AEBP2: variants seen among roughly 807,000 people sequenced by gnomAD.
The protein encoded by AEBP2 is AE binding protein 2.
AEBP2 carries 10 observed loss-of-function variants against 50.8 expected under a neutral mutation model. The ratio of observed to expected loss-of-function variants is 0.20; its 90% CI spans 0.12 to 0.33. The LOEUF (loss-of-function observed/expected upper bound fraction) is 0.33. Ranked by LOEUF, AEBP2 falls within the 10% of genes least tolerant of loss-of-function variation. The pLI, the probability that AEBP2 is intolerant of heterozygous loss-of-function variation, is 1.00. For missense variants in AEBP2, 570 were observed against 688.0 expected (o/e 0.83, Z 1.92); for synonymous variants, 296 against 261.3 (o/e 1.13, Z -1.28).
chr12:19,518,663 G>A lies in AEBP2; in HGVS notation c.*546G>A. The A allele has an allele frequency of 6.8e-7, 1 of 1,468,722 alleles. No individual in the cohort carries two copies. The highest frequency in any genetic ancestry group is 9.2e-7 in the Non-Finnish European group (1 of 1,088,766). The allele number at this position is 1,468,722 out of a possible 1,614,324, so 91.0% of individuals were successfully genotyped here. On this transcript the variant is annotated 3_prime_UTR_variant, in exon 8 of 8. Coordinates refer to ENST00000266508, the MANE Select transcript of AEBP2 (RefSeq NM_153207.5). ...ATAGATGTGATTGGTTGCCATTTGT[G>A]TTCTTTTGCAGAACTCTGATAAGAA... is the stretch of plus-strand genomic sequence containing the variant.
intron 1 of AEBP2, among the ~76,000 whole-genome samples, chr12:19,408,581 G>A (rs1315101232): frequency 6.6e-6 from 1 of 151,538 alleles, no homozygotes; most frequent in Non-Finnish European, 1.5e-5. Context: ...TACACTTTCT[G>A]GATTTAATGT....
rs1450371173 is a variant in AEBP2 at position 19,520,029 on chromosome 12, C to T, written c.*1912C>T. The T allele has an allele frequency of 2.6e-5, 4 of 152,440 alleles. No individual in the cohort carries two copies. The highest frequency in any genetic ancestry group is 5.9e-5 in the Non-Finnish European group (4 of 67,954). 9.4% of individuals were successfully genotyped at this position (152,440 alleles called of 1,614,324 possible). ...CATCAATTGCTTTATTCTGTATCTGCGAAGTAATCTGCAATCTCTTTTGTT... is the reference window on the plus strand; with the variant it reads ...CATCAATTGCTTTATTCTGTATCTGTGAAGTAATCTGCAATCTCTTTTGTT... On this transcript the variant is annotated 3_prime_UTR_variant, in exon 8 of 8. Transcript: ENST00000266508.
At chr12:19,446,998 TG>T (rs1196648125) in intron 1 of AEBP2, among the ~76,000 whole-genome samples, 1 of 152,096 alleles carries the variant, frequency 6.6e-6, no homozygotes, top group Non-Finnish European at 1.5e-5. Flanking sequence ...AGATTTTGTG[TG>T]GGAAGGGGGA....
rs146004409 is a variant in AEBP2, at chr12:19,473,906, G to A, written c.987+551G>A. 6.6e-3 allele frequency among the ~76,000 whole-genome samples: 1,000 copies of A among 152,092 alleles called. 12 individuals carry two copies. Among genetic ancestry groups the A allele is most frequent in the Non-Finnish European group, 5.3e-3 (360 of 68,004 alleles). ...AGGAGAAATGTTGCTGTTGGATTAG[G>A]GTCTTGAAAATAGCTAGTGGGTAGA... On this transcript the variant is annotated intron_variant, in intron 3 of 7. Coordinates refer to ENST00000266508, the MANE Select transcript of AEBP2 (RefSeq NM_153207.5).
chr12:19,468,414 T>G (rs1467740036), intron 2 of AEBP2, among the ~76,000 whole-genome samples: 1 of 152,222 alleles, frequency 6.6e-6, no homozygotes, highest in Non-Finnish European at 1.5e-5. Flanking sequence ...TCTGTTAACT[T>G]GCTCTGCATT....
At chr12:19,452,688 G>A (rs185131236) in intron 1 of AEBP2, among the ~76,000 whole-genome samples, 1 of 152,232 alleles carries the variant, frequency 6.6e-6, no homozygotes, top group Admixed American at 6.5e-5. Context: ...TGCATTAGGT[G>A]TACAACTTCA....
chr12:19,500,124 A>G lies in AEBP2; in HGVS notation c.1202A>G (p.Gln401Arg). 1 of 1,607,336 alleles carries G rather than the reference A, an allele frequency of 6.2e-7. No homozygotes were observed. The highest frequency in any genetic ancestry group is 8.5e-7 in the Non-Finnish European group (1 of 1,176,978). ...CGGCCACATGATTTCTTCGATGCAC[A>G]AACACTGGATGCGATAAGACATCGA... The part of the protein sequence containing the change: ...LPRPHDFFDA[Q>R]TLDAIRHRAI... The change falls in exon 5 of 8, where the codon CAA (glutamine) becomes CGA (arginine). Residue 401 changes from glutamine (Q) to arginine (R), a missense_variant. This residue lies in a region of AEBP2 where 184 missense variants were observed against 351.2 expected (regional missense o/e 0.52). Coordinates refer to ENST00000266508, the MANE Select transcript of AEBP2 (RefSeq NM_153207.5).
At chr12:19,425,643 C>T (rs1042448177) in intron 1 of AEBP2, among the ~76,000 whole-genome samples, 2 of 151,762 alleles carry the variant, frequency 1.3e-5, no homozygotes, top group African/African-American at 4.8e-5. Flanking sequence ...TATGATGGCA[C>T]ACCCCTGTAG....
intron 1 of AEBP2, chr12:19,456,733 C>A: frequency 6.3e-7 from 1 of 1,590,726 alleles, no homozygotes; most frequent in Non-Finnish European, 8.6e-7. Flanking sequence ...GAAAGAGTTT[C>A]ACTCAAAGCT....
At position 19,404,839 on chromosome 12, in the gene AEBP2, T is replaced by C. The variant is rs144968672; in HGVS notation, c.-17+623T>C. Among the ~76,000 whole-genome samples the C allele has an allele frequency of 3.8e-3, 574 of 152,180 alleles. 4 individuals are homozygous for C. Among genetic ancestry groups the C allele is most frequent in the African/African-American group, 0.013 (547 of 41,512 alleles). Reference sequence around the variant, plus strand: ...AGTGGATCCATTTGTTAGGGATCCATGTTTATGAAACGCAGGGCCATATGT... The same window carrying C: ...AGTGGATCCATTTGTTAGGGATCCACGTTTATGAAACGCAGGGCCATATGT... On this transcript the variant is annotated intron_variant, in intron 1 of 3. Coordinates refer to the AEBP2 transcript ENST00000538425.
At chr12:19,453,220 C>T (rs1350230830) in intron 1 of AEBP2, among the ~76,000 whole-genome samples, 4 of 152,124 alleles carry the variant, frequency 2.6e-5, no homozygotes, top group African/African-American at 4.8e-5. Flanking sequence ...CCACCCGCCT[C>T]AGCCTCCCAA....
rs73335361 is a variant in AEBP2, at chr12:19,404,627, T to G, written c.-17+411T>G. 3.1e-3 allele frequency among the ~76,000 whole-genome samples: 469 copies of G among 152,320 alleles called. 5 individuals carry two copies. Among genetic ancestry groups the G allele is most frequent in the African/African-American group, 0.011 (448 of 41,582 alleles). ...ATCCGCCATATTGGAAAAACAAGGT[T>G]TCAAAGATTTTCTGATTTACAACTG... On this transcript the variant is annotated intron_variant, in intron 1 of 3. Coordinates refer to the AEBP2 transcript ENST00000538425.
rs372043971 is a variant in AEBP2, at chr12:19,418,389, CTTT to C, written c.-17+14193_-17+14195del. ...ACAGGTGCATGCTAACTATGCCTGG[CTTT>C]TTTTTTTTTTTTTTTTTTTGTGGAT... On this transcript the variant is annotated intron_variant, in intron 1 of 3. Coordinates refer to the AEBP2 transcript ENST00000538425. Among the ~76,000 whole-genome samples the C allele has an allele frequency of 5.3e-5, 5 of 94,928 alleles. No homozygotes were observed. In the South Asian group the frequency reaches 1.2e-3, roughly 23 times the overall value. 62.3% of individuals were successfully genotyped at this position (94,928 alleles called of 152,430 possible). A position where few individuals can be genotyped will look rare whatever the true frequency, so the allele number is the denominator to read the frequency against.
intron 3 of AEBP2, among the ~76,000 whole-genome samples, chr12:19,475,683 A>C (rs7968381): frequency 0.51 from 77,983 of 151,832 alleles, 20,918 homozygotes; most frequent in Non-Finnish European, 0.61. Context: ...ACGGTTTTCT[A>C]TAGTGGTTGT....
chr12:19,514,849 A>G, intron 7 of AEBP2, 65 bp downstream of exon 7: 5 of 1,228,906 alleles, frequency 4.1e-6, no homozygotes, highest in South Asian at 1.4e-5. Context: ...CAAATTTTGG[A>G]TAAATTAGGA....
At chr12:19,423,103 G>C (rs1331740078) in intron 1 of AEBP2, among the ~76,000 whole-genome samples, 1 of 120,664 alleles carries the variant, frequency 8.3e-6, no homozygotes. Flanking sequence ...AAGAACATCT[G>C]ACCAGAGTAT....
chr12:19,514,287 A>G (rs1387038098), intron 6 of AEBP2, among the ~76,000 whole-genome samples: 1 of 152,160 alleles, frequency 6.6e-6, no homozygotes, highest in East Asian at 1.9e-4. Flanking sequence ...GGAAGGAGCC[A>G]CCGCACTGGG....
At chr12:19,412,696 A>G (rs1160598597) in intron 1 of AEBP2, among the ~76,000 whole-genome samples, 2 of 152,132 alleles carry the variant, frequency 1.3e-5, no homozygotes, top group Non-Finnish European at 2.9e-5. Context: ...GGCCTCGCAA[A>G]GTGCTGGTGT....
intron 1 of AEBP2, among the ~76,000 whole-genome samples, chr12:19,460,478 C>A (rs551145725): frequency 6.6e-6 from 1 of 152,006 alleles, no homozygotes; most frequent in Non-Finnish European, 1.5e-5. Context: ...CTCAGCCTCC[C>A]GAGTAGCTGG....
Sources: allele counts gnomAD v4.1 joint callset (sites outside exome capture counted in the v4.1 genomes callset), GRCh38; gene constraint gnomAD v4.1.1; regional missense constraint gnomAD v4.1.1; transcripts MANE v1.5; gene names NCBI Gene and HGNC (gene_info 2026-07-23, HGNC 2026-07-21).